UVSSA: variants seen among roughly 807,000 people sequenced by gnomAD.
UVSSA encodes the protein UV stimulated scaffold protein A.
Under a neutral mutation model 73.9 loss-of-function variants are expected in UVSSA, and 72 were observed. That is an observed-to-expected ratio of 0.97 (90% CI 0.81 to 1.19). The LOEUF is 1.19. UVSSA is among the 50% of genes most tolerant of loss of function. The pLI, the probability that UVSSA is intolerant of heterozygous loss-of-function variation, is 0.00. For missense variants in UVSSA, 1,150 were observed against 965.0 expected, an observed-to-expected ratio of 1.19 and a Z score of -2.54; for synonymous variants, 454 against 391.3, an observed-to-expected ratio of 1.16 and a Z score of -1.89.
At chr4:1,348,465 A>G (rs1274766482) in intron 2 of UVSSA, among the ~76,000 whole-genome samples, 4 of 152,224 alleles carry the variant, frequency 2.6e-5, no homozygotes, top group African/African-American at 9.6e-5. Flanking sequence ...TGAGTGCACA[A>G]ATGTGATTCA....
rs779690250 is a variant in UVSSA at position 1,395,672 on chromosome 4, C to G, written c.*9711C>G. 3 of 1,611,618 alleles carry G rather than the reference C, an allele frequency of 1.9e-6. No homozygotes were observed. The South Asian group carries it at 3.3e-5, about 18-fold the overall frequency. Reference sequence around the variant, plus strand: ...CATGTGGAGTGCCTGCCTGCTCACACACGTGCCCATGTGGAGTGCCCGCCT... The same window carrying G: ...CATGTGGAGTGCCTGCCTGCTCACAGACGTGCCCATGTGGAGTGCCCGCCT... On this transcript the variant is annotated 3_prime_UTR_variant, in exon 14 of 14. Transcript: ENST00000511216.
At chr4:1,368,760 T>C (rs1325203862) in intron 8 of UVSSA, among the ~76,000 whole-genome samples, 1 of 152,236 alleles carries the variant, frequency 6.6e-6, no homozygotes, top group Non-Finnish European at 1.5e-5. Flanking sequence ...TCCAGATGTG[T>C]GTCTCCAGCT....
At chr4:1,347,891 C>T (rs1197251825) in intron 1 of UVSSA, 131 bp downstream of exon 1, 1 of 575,572 alleles carries the variant, frequency 1.7e-6, no homozygotes, top group Non-Finnish European at 3.1e-6. Context: ...GTTTAAGGTT[C>T]ACTTTTAAAA....
At chr4:1,380,719 G>C in intron 11 of UVSSA, 161 bp from the exon 12 acceptor site, 1 of 1,546,732 alleles carries the variant, frequency 6.5e-7, no homozygotes, top group Non-Finnish European at 8.7e-7. Context: ...CTCTCAGGAC[G>C]CCCTCCTCTG....
chr4:1,349,855 G>C lies in UVSSA; in HGVS notation c.429+1G>C. 1 of 1,536,972 alleles carries C rather than the reference G, an allele frequency of 6.5e-7. No individual in the cohort carries two copies. ...CCACTTCTTAAGACACAACAAAAAG[G>C]TAGGTGGGCCTGGCCCATTTTTTCA... On this transcript the variant is annotated splice_donor_variant, in intron 3 of 13. Coordinates refer to ENST00000389851, the MANE Select transcript of UVSSA (RefSeq NM_020894.4). LOFTEE classifies it high-confidence loss of function.
rs1288715603 is a variant in UVSSA, at chr4:1,373,994, C to T, written c.1289-1370C>T. The stretch of plus-strand genomic sequence containing the variant: ...TGGGGAGCGTGGCATGGGCTGTGCA[C>T]CTCTTCGCCCCAGCTGCCAGTTCGT... On this transcript the variant is annotated intron_variant, in intron 8 of 13. Coordinates refer to ENST00000389851, the MANE Select transcript of UVSSA (RefSeq NM_020894.4). Among the ~76,000 whole-genome samples, 5 of 152,382 alleles carry T rather than the reference C, an allele frequency of 3.3e-5. No homozygotes were observed. The East Asian group carries it at 7.7e-4, about 23-fold the overall frequency.
chr4:1,348,285 A>G, intron 2 of UVSSA, 96 bp downstream of exon 2: 5 of 892,142 alleles, frequency 5.6e-6, no homozygotes, highest in Non-Finnish European at 9.1e-6. Flanking sequence ...GGAGAGAACC[A>G]CCCGAGGGAC....
rs1428850763 is a variant in UVSSA at position 1,355,179 on chromosome 4, A to C, written c.1110A>C (p.Glu370Asp). Residue 370 changes from glutamate to aspartate, a missense_variant, in exon 7 of 14, where the codon GAA (glutamate) becomes GAC (aspartate). Physicochemically the swap from Glu to Asp is conservative, Grantham distance 45. Transcript: ENST00000389851. Reference sequence around the variant, plus strand: ...AGCGTGCCATTGACCTGAAGGCTGAATTGGAGCTCGTACTGAGAAAATACA... The same window carrying C: ...AGCGTGCCATTGACCTGAAGGCTGACTTGGAGCTCGTACTGAGAAAATACA... The part of the protein sequence containing the change: ...CLKRAIDLKA[E>D]LELVLRKYKE... 4 of 1,613,806 alleles carry C rather than the reference A, an allele frequency of 2.5e-6. No homozygotes were observed. The South Asian group carries it at 4.4e-5, about 18-fold the overall frequency.
rs183571898 is a variant in UVSSA at position 1,374,504 on chromosome 4, G to A, written c.1289-860G>A. On this transcript the variant is annotated intron_variant, in intron 8 of 13. Coordinates refer to ENST00000389851, the MANE Select transcript of UVSSA (RefSeq NM_020894.4). ...TTGGAGAATCTCCTTGTCCTGGTCC[G>A]GGGACCCTGGGTGCACGCTGGGCTG... 3.3e-5 allele frequency among the ~76,000 whole-genome samples: 5 copies of A among 152,344 alleles called. No individual in the cohort carries two copies. In the East Asian group the frequency reaches 5.8e-4, roughly 18 times the overall value.
chr4:1,378,185 G>A (rs1485806382), intron 10 of UVSSA, among the ~76,000 whole-genome samples: 1 of 152,190 alleles, frequency 6.6e-6, no homozygotes, highest in African/African-American at 2.4e-5. Flanking sequence ...GCCAGGCCGT[G>A]GTGGGAGACA....
chr4:1,358,983 G>A (rs1716212566), intron 7 of UVSSA: 1 of 152,278 alleles, frequency 6.6e-6, no homozygotes, highest in African/African-American at 2.4e-5. Flanking sequence ...TCCTCGTGCT[G>A]TCTCCGGCCG....
chr4:1,375,914 G>A lies in UVSSA; in HGVS notation c.1434-120G>A, dbSNP rs911515502. 1.5e-5 allele frequency: 22 copies of A among 1,445,046 alleles called. No individual in the cohort carries two copies. The South Asian group carries it at 2.9e-4, about 19-fold the overall frequency. 89.5% of individuals were successfully genotyped at this position (1,445,046 alleles called of 1,614,324 possible). A position where few individuals can be genotyped will look rare whatever the true frequency, so the allele number is the denominator to read the frequency against. ...GAGGCCCAGGCGTCGTGTGGCAGAA[G>A]CCATTGCTCACCTGATCCGACCCGA... is the stretch of plus-strand genomic sequence containing the variant. On this transcript the variant is annotated intron_variant, in intron 9 of 13. Coordinates refer to ENST00000389851, the MANE Select transcript of UVSSA (RefSeq NM_020894.4).
chr4:1,357,412 G>T (rs981868467), intron 7 of UVSSA, among the ~76,000 whole-genome samples: 1 of 152,260 alleles, frequency 6.6e-6, no homozygotes, highest in South Asian at 2.1e-4. Context: ...GGAATGCCTG[G>T]TGCTACCCCT....
rs760965336 is a variant in UVSSA, at chr4:1,354,773, C to T, written c.973C>T (p.Leu325Phe). The T allele has an allele frequency of 6.2e-7, 1 of 1,613,674 alleles. No individual in the cohort carries two copies. Among genetic ancestry groups the T allele is most frequent in the East Asian group, 2.2e-5 (1 of 44,872 alleles). Residue 325 changes from leucine to phenylalanine, a missense_variant, in exon 6 of 14, where the codon CTC becomes TTC. Transcript: ENST00000389851. ...GCAGGAGAACGAGGACAACCTTGCTCTCATCCACGCCGCCCGCGACACACT... is the reference window on the plus strand; with the variant it reads ...GCAGGAGAACGAGGACAACCTTGCTTTCATCCACGCCGCCCGCGACACACT... ...KVQENEDNLA[L>F]IHAARDTLKL...
intron 5 of UVSSA, among the ~76,000 whole-genome samples, chr4:1,354,068 G>A (rs1560431799): frequency 6.6e-6 from 1 of 152,214 alleles, no homozygotes; most frequent in Admixed American, 6.5e-5. Flanking sequence ...TTCTTCTTTG[G>A]AAGCAGGCAC....
intron 8 of UVSSA, among the ~76,000 whole-genome samples, chr4:1,372,811 T>TCCCTGCACTCATCTCCTGCTA: frequency 2.1e-5 from 1 of 48,492 alleles, no homozygotes; most frequent in East Asian, 4.3e-4. Context: ...ACCTCCCGCG[T>TCCCTGCACTCATCTCCTGCTA]CTCAGGGCAC....
intron 4 of UVSSA, among the ~76,000 whole-genome samples, chr4:1,352,624 C>A (rs1218086332): frequency 6.6e-6 from 1 of 152,246 alleles, no homozygotes; most frequent in African/African-American, 2.4e-5. Flanking sequence ...GCAGGCCCAG[C>A]TGCTGAGCTG....
At chr4:1,394,067 C>T (rs1720466600) in exon 14 of UVSSA, 2 of 286,850 alleles carry the variant, frequency 7.0e-6, no homozygotes, top group Non-Finnish European at 1.3e-5. Flanking sequence ...CTCCAGCAGG[C>T]AGCTGCCAAC....
chr4:1,342,224 AGT>A (rs1465192096), upstream of UVSSA, among the ~76,000 whole-genome samples: 1 of 152,216 alleles, frequency 6.6e-6, no homozygotes, highest in East Asian at 1.9e-4. Flanking sequence ...CTCCAGCAGC[AGT>A]GTGAGGATTC....
Sources: allele counts gnomAD v4.1 joint callset (sites outside exome capture counted in the v4.1 genomes callset), GRCh38; gene constraint gnomAD v4.1.1; transcripts MANE v1.5; gene names NCBI Gene and HGNC (gene_info 2026-07-23, HGNC 2026-07-21).